Variants in LARGE1 observed in about 807,000 individuals in gnomAD.
The protein encoded by LARGE1 is xylosyl- and glucuronyltransferase LARGE1.
LARGE1 carries 43 observed loss-of-function variants against 87.6 expected under a neutral mutation model. That is an observed-to-expected ratio of 0.49 (90% CI 0.38 to 0.63). The LOEUF is 0.63. Among genes scored for constraint, LARGE1 ranks in the 30% least tolerant of loss-of-function variants. LARGE1 has a pLI of 0.00. For missense variants in LARGE1, 802 were observed against 1,000.2 expected (o/e 0.80, Z 2.67); for synonymous variants, 434 against 394.6 (o/e 1.10, Z -1.18).
chr22:33,115,578 G>A, the LARGE1 span, among the ~76,000 whole-genome samples: 1 of 152,268 alleles, frequency 6.6e-6, no homozygotes, highest in East Asian at 1.9e-4. Flanking sequence ...AGCACTTTGG[G>A]AGGTCAAGGC....
chr22:33,713,283 C>G (rs1008110963), intron 2 of LARGE1, among the ~76,000 whole-genome samples: 1 of 152,092 alleles, frequency 6.6e-6, no homozygotes, highest in Admixed American at 6.6e-5. Context: ...CCCAGCTCCC[C>G]CAGGATCAGA....
chr22:33,863,655 T>C (rs780562476), intron 1 of LARGE1, among the ~76,000 whole-genome samples: 2 of 151,584 alleles, frequency 1.3e-5, no homozygotes, highest in Non-Finnish European at 2.9e-5. Flanking sequence ...ATAATCCCAG[T>C]TACTCAGGAG....
intron 12 of LARGE1, among the ~76,000 whole-genome samples, chr22:33,292,397 G>A (rs1443307135): frequency 6.6e-6 from 1 of 151,964 alleles, no homozygotes; most frequent in Admixed American, 6.6e-5. Context: ...AGGGACAAAG[G>A]ATTCTGGAAG....
At chr22:33,219,508 C>T (rs971621646) in intron 11 of LARGE1, among the ~76,000 whole-genome samples, 1 of 152,168 alleles carries the variant, frequency 6.6e-6, no homozygotes, top group African/African-American at 2.4e-5. Context: ...TTGTCTCCTT[C>T]CTAATATTCA....
upstream of LARGE1, among the ~76,000 whole-genome samples, chr22:33,920,991 C>G (rs1306596352): frequency 6.7e-6 from 1 of 150,032 alleles, no homozygotes; most frequent in East Asian, 2.0e-4. Context: ...GCCGGACTCG[C>G]TCAGCAGCTG....
chr22:33,624,595 T>C (rs2079862404), intron 4 of LARGE1, among the ~76,000 whole-genome samples: 1 of 151,958 alleles, frequency 6.6e-6, no homozygotes, highest in Non-Finnish European at 1.5e-5. Context: ...AGAGGGGAGC[T>C]ACAAGCAGGT....
At chr22:33,609,945 T>C (rs964951260) in intron 4 of LARGE1, among the ~76,000 whole-genome samples, 1 of 152,120 alleles carries the variant, frequency 6.6e-6, no homozygotes, top group Non-Finnish European at 1.5e-5. Flanking sequence ...GCTCCCACTC[T>C]CCTCTTGCAT....
chr22:33,602,820 G>T (rs1391366891), intron 5 of LARGE1, among the ~76,000 whole-genome samples: 1 of 152,130 alleles, frequency 6.6e-6, no homozygotes, highest in Non-Finnish European at 1.5e-5. Flanking sequence ...GCACACTTCG[G>T]TGTCTTCTTA....
the LARGE1 span, among the ~76,000 whole-genome samples, chr22:33,094,421 G>C: frequency 6.6e-6 from 1 of 151,846 alleles, no homozygotes; most frequent in South Asian, 2.1e-4. Flanking sequence ...GCTCCTACAC[G>C]ATCCACTCTC....
intron 1 of LARGE1, among the ~76,000 whole-genome samples, chr22:33,907,009 G>A (rs1381377077): frequency 1.3e-5 from 2 of 151,948 alleles, no homozygotes; most frequent in Admixed American, 1.3e-4. Context: ...GAAGAAAAAG[G>A]AAAATGGCAA....
chr22:33,617,457 G>A (rs1041360875), intron 4 of LARGE1, among the ~76,000 whole-genome samples: 11 of 152,086 alleles, frequency 7.2e-5, no homozygotes, highest in South Asian at 2.1e-4. Flanking sequence ...AGAGAATTTC[G>A]CCAACTGCAG....
intron 9 of LARGE1, among the ~76,000 whole-genome samples, chr22:33,351,662 C>T (rs776662705): frequency 1.5e-4 from 23 of 151,918 alleles, no homozygotes; most frequent in Non-Finnish European, 2.5e-4. Context: ...ACCCCCTTTG[C>T]GAGGAGATGG....
intron 2 of LARGE1, among the ~76,000 whole-genome samples, chr22:33,665,715 A>G (rs548964265): frequency 5.1e-4 from 77 of 151,834 alleles, no homozygotes; most frequent in Non-Finnish European, 9.0e-4. Context: ...ACACGGCGAA[A>G]TCTCATCTCT....
intron 10 of LARGE1, among the ~76,000 whole-genome samples, chr22:33,332,957 T>C (rs1937927480): frequency 6.6e-6 from 1 of 151,958 alleles, no homozygotes; most frequent in Non-Finnish European, 1.5e-5. Flanking sequence ...CCACCGCAAC[T>C]GTCCTAGAGA....
intron 2 of LARGE1, among the ~76,000 whole-genome samples, chr22:33,655,590 G>T (rs2080936774): frequency 6.6e-6 from 1 of 152,056 alleles, no homozygotes; most frequent in Non-Finnish European, 1.5e-5. Context: ...AAACATAGCT[G>T]TATATGCACA....
At chr22:33,493,071 CACATA>C (rs2069928584) in intron 6 of LARGE1, among the ~76,000 whole-genome samples, 1 of 151,532 alleles carries the variant, frequency 6.6e-6, no homozygotes, top group Non-Finnish European at 1.5e-5. Context: ...AGTGCTCTGG[CACATA>C]ACTCGAGGGT....
intron 9 of LARGE1, among the ~76,000 whole-genome samples, chr22:33,372,144 TAAG>T (rs1404165564): frequency 6.6e-6 from 1 of 152,068 alleles, no homozygotes; most frequent in Non-Finnish European, 1.5e-5. Context: ...TCCATAAAAA[TAAG>T]AACAAATTGC....
At chr22:33,346,074 T>A (rs1222049634) in intron 9 of LARGE1, among the ~76,000 whole-genome samples, 2 of 152,104 alleles carry the variant, frequency 1.3e-5, no homozygotes, top group Non-Finnish European at 2.9e-5. Flanking sequence ...GCAAACTGCC[T>A]CCCACTTATG....
intron 11 of LARGE1, among the ~76,000 whole-genome samples, chr22:33,306,133 C>A (rs1485914607): frequency 6.6e-6 from 1 of 152,114 alleles, no homozygotes; most frequent in African/African-American, 2.4e-5. Flanking sequence ...CGTGAGCCAC[C>A]GCGCCTGGCC....
Sources: gnomAD v4.1 joint callset for allele counts (sites outside exome capture counted in the v4.1 genomes callset) on GRCh38, gnomAD v4.1.1 for gene constraint, MANE v1.5 for transcripts, NCBI Gene and HGNC (gene_info 2026-07-23, HGNC 2026-07-21) for gene names.